Variants in RPGR observed in about 807,000 individuals in gnomAD.
RPGR encodes X-linked retinitis pigmentosa GTPase regulator.
RPGR carries 10 observed loss-of-function variants against 56.3 expected under a neutral mutation model. That is an observed-to-expected ratio of 0.18 (90% CI 0.11 to 0.30). The LOEUF is 0.30. Ranked by LOEUF, RPGR falls within the 10% of genes least tolerant of loss-of-function variation. The pLI is 1.00. For synonymous variants in RPGR, 197 were observed against 212.9 expected (o/e 0.93, Z 0.65); for missense variants, 538 against 590.9 (o/e 0.91, Z 0.93).
intron 8 of RPGR, among the ~76,000 whole-genome samples, chrX:38,301,829 C>T (rs73192547): frequency 0.13 from 14,431 of 110,538 alleles, 875 homozygotes; most frequent in South Asian, 0.22. Flanking sequence ...TCGTGTGGGT[C>T]TGTCCTGTGC....
At chrX:38,292,010 C>G (rs781092238) in intron 11 of RPGR, among the ~76,000 whole-genome samples, 2 of 111,171 alleles carry the variant, frequency 1.8e-5, no homozygotes, top group Non-Finnish European at 3.8e-5. Flanking sequence ...CAGCTACACT[C>G]GTGCACTCCC....
chrX:38,323,242 C>G (rs1246465552), intron 2 of RPGR, among the ~76,000 whole-genome samples, 157 bp downstream of exon 2: 2 of 111,769 alleles, frequency 1.8e-5, no homozygotes, highest in Non-Finnish European at 1.9e-5. Flanking sequence ...TTAAAAGATG[C>G]TCTTGATGAC....
At chrX:38,310,493 G>T in intron 7 of RPGR, 122 bp downstream of exon 7, 1 of 655,375 alleles carries the variant, frequency 1.5e-6, no homozygotes, top group Non-Finnish European at 2.4e-6. Context: ...AATCTATTAA[G>T]AAGGTAGTTC....
rs766376194 is a variant in RPGR, at chrX:38,286,146, C to T, written c.1905+948G>A. ...CCTCTTCCCCCTCCCATTCTCCTTC[C>T]TCCTCTTCCCCCTCCCCTTCTCCAT... On this transcript the variant is annotated intron_variant, in intron 15 of 18. Coordinates refer to ENST00000642395, the MANE Select transcript of RPGR (RefSeq NM_000328.3). The T allele has an allele frequency of 1.3e-3, 669 of 499,976 alleles. 15 individuals are homozygous for T. The African/African-American group carries it at 0.031, about 23-fold the overall frequency. The allele number at this position is 499,976 out of a possible 1,213,427, so 41.2% of individuals were successfully genotyped here.
At chrX:38,317,022 G>A (rs919473057) in intron 6 of RPGR, among the ~76,000 whole-genome samples, 1 of 111,287 alleles carries the variant, frequency 9.0e-6, no homozygotes, top group Middle Eastern at 4.6e-3. Flanking sequence ...TTGCCAGTGG[G>A]TCCAGGAAAG....
intron 15 of RPGR, among the ~76,000 whole-genome samples, chrX:38,283,807 T>A (rs1380497232): frequency 8.9e-6 from 1 of 112,168 alleles, no homozygotes; most frequent in African/African-American, 3.2e-5. Context: ...TTTAAGAGTT[T>A]CTCATTTCCC....
intron 11 of RPGR, among the ~76,000 whole-genome samples, chrX:38,295,214 T>C (rs1601937674): frequency 1.8e-5 from 2 of 112,075 alleles, no homozygotes; most frequent in South Asian, 7.4e-4. Context: ...TTGTCTATAT[T>C]ATTTTCTTTG....
intron 14 of RPGR, chrX:38,287,501 T>G (rs1468874828): frequency 1.9e-6 from 1 of 522,772 alleles, no homozygotes; most frequent in Non-Finnish European, 3.4e-6. Flanking sequence ...TCTCTTTCAC[T>G]GTCAAAGATC....
At chrX:38,301,960 G>C (rs1053686007) in intron 8 of RPGR, among the ~76,000 whole-genome samples, 1 of 111,457 alleles carries the variant, frequency 9.0e-6, no homozygotes, top group African/African-American at 3.3e-5. Context: ...CTTGGGGAGT[G>C]GGGGATGCAC....
rs750094058 is a variant in RPGR at position 38,297,398 on chromosome X, T to A, written c.1300A>T (p.Thr434Ser). ...AGAAAACAAGCAGAAAGGCCAAGAG[T>A]CCCTTCTATTGGAGGTAGTGTTCTC... The change falls in exon 11 of 19, where the codon ACT (threonine) becomes TCT (serine). Residue 434 changes from threonine (T) to serine (S), a missense_variant. This residue lies in a region of RPGR where 357 missense variants were observed against 325.8 expected (regional missense o/e 1.10). Transcript: ENST00000642395. 6.6e-6 allele frequency: 8 copies of A among 1,206,593 alleles called. No individual in the cohort carries two copies. The highest frequency in any genetic ancestry group is 9.0e-6 in the Non-Finnish European group (8 of 892,203).
intron 14 of RPGR, 52 bp from the exon 15 acceptor site, chrX:38,287,297 T>C: frequency 8.3e-7 from 1 of 1,202,945 alleles, no homozygotes; most frequent in Non-Finnish European, 1.1e-6. Flanking sequence ...TTGGATATTA[T>C]GGGTTTAGTC....
Position 38,288,217 on chromosome X carries a change from C to T in RPGR, c.1573-176G>A, listed in dbSNP as rs754549629. On this transcript the variant is annotated intron_variant, in intron 13 of 18. Transcript: ENST00000642395. ...TGTTTTCTTTAAGGATCATTTGTGC[C>T]ACTCTCTAGTCTGTGATACATCTAA... Among the ~76,000 whole-genome samples the T allele has an allele frequency of 2.7e-5, 3 of 111,645 alleles. No homozygotes were observed. The South Asian group carries it at 1.1e-3, about 41-fold the overall frequency.
In RPGR at chrX:38,315,281, G is replaced by A. The variant is rs763819807; in HGVS notation, c.619+2035C>T. Among the ~76,000 whole-genome samples, 4 of 111,433 alleles carry A rather than the reference G, an allele frequency of 3.6e-5. No individual in the cohort carries two copies. The East Asian group carries it at 1.1e-3, about 31-fold the overall frequency. ...TGGGAGGCAGAGGTTGCAGTGAGCC[G>A]GGACTATACTACTGTACTCCAGCCT... On this transcript the variant is annotated intron_variant, in intron 6 of 18. Transcript: ENST00000642395.
intron 15 of RPGR, among the ~76,000 whole-genome samples, chrX:38,283,827 TTTTC>T (rs1420388668): frequency 1.8e-5 from 2 of 112,104 alleles, no homozygotes; most frequent in Non-Finnish European, 3.8e-5. Context: ...CTGGAGGTTT[TTTTC>T]TTTATGAATT....
chrX:38,274,752 T>A (rs2066901686), intron 17 of RPGR, among the ~76,000 whole-genome samples: 1 of 111,849 alleles, frequency 8.9e-6, no homozygotes, highest in Non-Finnish European at 1.9e-5. Context: ...GAGGTGGAGA[T>A]TGCAATGAGC....
Position 38,269,617 on chromosome X carries a change from AAT to A in RPGR, c.*7_*8del. 1 of 1,130,204 alleles carries A rather than the reference AAT, an allele frequency of 8.8e-7. No homozygotes were observed. Among genetic ancestry groups the A allele is most frequent in the Non-Finnish European group, 1.2e-6 (1 of 822,489 alleles). 93.1% of individuals were successfully genotyped at this position (1,130,204 alleles called of 1,213,427 possible). A position where few individuals can be genotyped will look rare whatever the true frequency, so the allele number is the denominator to read the frequency against. Reference sequence around the variant, plus strand: ...TACACTTGGTGACTGTGAAAACATAAATATATATTTATAGTATTGTACAGGAT... The same window carrying A: ...TACACTTGGTGACTGTGAAAACATAAATATATTTATAGTATTGTACAGGAT... On this transcript the variant is annotated 3_prime_UTR_variant, in exon 19 of 19. Coordinates refer to ENST00000642395, the MANE Select transcript of RPGR (RefSeq NM_000328.3).
intron 11 of RPGR, among the ~76,000 whole-genome samples, chrX:38,293,645 C>T (rs990302112): frequency 8.9e-6 from 1 of 111,839 alleles, no homozygotes; most frequent in African/African-American, 3.3e-5. Context: ...ATTATTTAAG[C>T]TGATGGCCTT....
intron 8 of RPGR, chrX:38,303,785 G>T: frequency 3.4e-6 from 1 of 296,890 alleles, no homozygotes; most frequent in Non-Finnish European, 5.9e-6. Flanking sequence ...ATGAGCAGTA[G>T]TTTTTTCAGG....
At chrX:38,327,160 C>T (rs191653748) in intron 1 of RPGR, among the ~76,000 whole-genome samples, 180 bp downstream of exon 1, 1 of 113,289 alleles carries the variant, frequency 8.8e-6, no homozygotes, top group East Asian at 2.8e-4. Flanking sequence ...CTCCCCCATC[C>T]TGTTCTTCCC....
Sources: allele counts gnomAD v4.1 joint callset (sites outside exome capture counted in the v4.1 genomes callset), GRCh38; gene constraint gnomAD v4.1.1; regional missense constraint gnomAD v4.1.1; transcripts MANE v1.5; gene names NCBI Gene and HGNC (gene_info 2026-07-23, HGNC 2026-07-21).